The following MED25 variants were observed in gnomAD, a reference collection of about 807,000 sequenced individuals.
The protein encoded by MED25 is mediator complex subunit 25.
Under a neutral mutation model 89.4 loss-of-function variants are expected in MED25, and 62 were observed. That is an observed-to-expected ratio of 0.69 (90% CI 0.57 to 0.86). The LOEUF is 0.86. Among genes scored for constraint, MED25 ranks in the 40% least tolerant of loss-of-function variants. The pLI is 0.00. For missense variants in MED25, 905 were observed against 1,005.2 expected, an observed-to-expected ratio of 0.90 and a Z score of 1.35; for synonymous variants, 449 against 427.9, an observed-to-expected ratio of 1.05 and a Z score of -0.61.
Position 49,836,554 on chromosome 19 carries a change from C to A in MED25, c.2146+148C>A. The A allele has an allele frequency of 9.6e-7, 1 of 1,038,854 alleles. No homozygotes were observed. The highest frequency in any genetic ancestry group is 1.5e-6 in the Non-Finnish European group (1 of 681,298). The allele number at this position is 1,038,854 out of a possible 1,614,324, so 64.4% of individuals were successfully genotyped here. ...CATGGCCTTTGCGGAGCTCTGAGGG[C>A]TCCGGGAAAGTACAGCCCATGGGTC... On this transcript the variant is annotated intron_variant, in intron 17 of 17. Transcript: ENST00000312865. The surrounding 1 kb of genome is among the most constrained non-coding windows in gnomAD (Gnocchi z 5.1).
intron 3 of MED25, among the ~76,000 whole-genome samples, chr19:49,822,895 C>T (rs959492393): frequency 1.2e-4 from 18 of 152,070 alleles, no homozygotes; most frequent in Admixed American, 1.2e-3. Flanking sequence ...GATCCACCCG[C>T]CTCGGCCTCC....
chr19:49,818,988 CG>C (rs1568618149), intron 2 of MED25, 183 bp from the exon 3 acceptor site: 2 of 716,436 alleles, frequency 2.8e-6, no homozygotes, highest in Non-Finnish European at 2.3e-6. Flanking sequence ...GAGGAGGGGC[CG>C]GGGGCCTGGA....
Position 49,831,808 on chromosome 19 carries a change from G to A in MED25, c.1231-128G>A. 1.2e-6 allele frequency: 1 copy of A among 866,292 alleles called. No individual in the cohort carries two copies. Among genetic ancestry groups the A allele is most frequent in the Non-Finnish European group, 1.9e-6 (1 of 518,678 alleles). The allele number at this position is 866,292 out of a possible 1,614,324, so 53.7% of individuals were successfully genotyped here. On this transcript the variant is annotated intron_variant, in intron 10 of 17. Transcript: ENST00000312865. The surrounding 1 kb of genome is among the most constrained non-coding windows in gnomAD (Gnocchi z 5.0). ...GAAGGCTTGCTGGTCTGGAGGAGGG[G>A]CCTGGGGCTCATGGGACTTAAACTG...
Position 49,829,683 on chromosome 19 carries a change from G to A in MED25, c.526-103G>A. 4.0e-6 allele frequency: 5 copies of A among 1,264,170 alleles called. No individual in the cohort carries two copies. The highest frequency in any genetic ancestry group is 5.6e-6 in the Non-Finnish European group (5 of 900,636). The allele number at this position is 1,264,170 out of a possible 1,614,324, so 78.3% of individuals were successfully genotyped here. The stretch of plus-strand genomic sequence containing the variant: ...AGCCCAATGGGAATTGTGGTTGTAG[G>A]GCTGGTGCCGTCCAGCCACACAGCA... On this transcript the variant is annotated intron_variant, in intron 5 of 17. Transcript: ENST00000312865. The surrounding 1 kb of genome is among the most constrained non-coding windows in gnomAD (Gnocchi z 4.6).
rs1326060522 is a variant in MED25 at position 49,829,623 on chromosome 19, C to A, written c.526-163C>A. On this transcript the variant is annotated intron_variant, in intron 5 of 17. Transcript: ENST00000312865. The surrounding 1 kb of genome is among the most constrained non-coding windows in gnomAD (Gnocchi z 4.6). ...AACTAGAACCCAGAGTCTCCCGGGG[C>A]AGGTGATACCTGGTTTCAGGGTCTC... Among the ~76,000 whole-genome samples, 1 of 152,154 alleles carries A rather than the reference C, an allele frequency of 6.6e-6. No homozygotes were observed. Among genetic ancestry groups the A allele is most frequent in the Non-Finnish European group, 1.5e-5 (1 of 68,018 alleles).
intron 12 of MED25, 45 bp from the exon 13 acceptor site, chr19:49,832,263 A>T: frequency 6.6e-7 from 1 of 1,522,448 alleles, no homozygotes; most frequent in Non-Finnish European, 9.0e-7. Flanking sequence ...TCCCCGCCTC[A>T]CTTGCCCACA....
Position 49,829,706 on chromosome 19 carries a change from G to A in MED25, c.526-80G>A. The A allele has an allele frequency of 2.1e-6, 3 of 1,428,530 alleles. No homozygotes were observed. The allele number at this position is 1,428,530 out of a possible 1,614,324, so 88.5% of individuals were successfully genotyped here. On this transcript the variant is annotated intron_variant, in intron 5 of 17. Coordinates refer to ENST00000312865, the MANE Select transcript of MED25 (RefSeq NM_030973.4). This position sits in a 1 kb window ranked among gnomAD's most constrained non-coding sequence, Gnocchi z 4.6. Reference sequence around the variant, plus strand: ...AGGGCTGGTGCCGTCCAGCCACACAGCAGTTGTGGTAGGTTGGGGGCCGGC... The same window carrying A: ...AGGGCTGGTGCCGTCCAGCCACACAACAGTTGTGGTAGGTTGGGGGCCGGC...
At position 49,836,778 on chromosome 19, in the gene MED25, A is replaced by C; in HGVS notation, c.2147-69A>C. On this transcript the variant is annotated intron_variant, in intron 17 of 17. Transcript: ENST00000312865. This position sits in a 1 kb window ranked among gnomAD's most constrained non-coding sequence, Gnocchi z 5.1. ...CCCCCAAGGGCTGCCTAGAAAACTTAGTGCCTCTGGGCCCTCCTGGGCCCA... is the reference window on the plus strand; with the variant it reads ...CCCCCAAGGGCTGCCTAGAAAACTTCGTGCCTCTGGGCCCTCCTGGGCCCA... The C allele has an allele frequency of 8.3e-7, 1 of 1,210,478 alleles. No homozygotes were observed. Among genetic ancestry groups the C allele is most frequent in the Non-Finnish European group, 1.2e-6 (1 of 827,100 alleles). The allele number at this position is 1,210,478 out of a possible 1,614,324, so 75.0% of individuals were successfully genotyped here.
Position 49,829,978 on chromosome 19 carries a change from G to A in MED25, c.688+30G>A. ...GGCCTGGGCACCGTGCGCGGGGATGGGGGCTCGACGTGTTTCCCCAGCTCC... is the reference window on the plus strand; with the variant it reads ...GGCCTGGGCACCGTGCGCGGGGATGAGGGCTCGACGTGTTTCCCCAGCTCC... On this transcript the variant is annotated intron_variant, in intron 6 of 17. Coordinates refer to ENST00000312865, the MANE Select transcript of MED25 (RefSeq NM_030973.4). The surrounding 1 kb of genome is among the most constrained non-coding windows in gnomAD (Gnocchi z 4.6). 1 of 1,601,080 alleles carries A rather than the reference G, an allele frequency of 6.2e-7. No individual in the cohort carries two copies. Among genetic ancestry groups the A allele is most frequent in the Non-Finnish European group, 8.5e-7 (1 of 1,171,426 alleles).
chr19:49,822,806 C>A (rs1280657993), intron 3 of MED25, among the ~76,000 whole-genome samples: 2 of 151,936 alleles, frequency 1.3e-5, no homozygotes, highest in Non-Finnish European at 2.9e-5. Context: ...CGCCACCACA[C>A]CCAGCTAATT....
chr19:49,823,555 A>G (rs1206103876), intron 3 of MED25, among the ~76,000 whole-genome samples: 2 of 152,072 alleles, frequency 1.3e-5, no homozygotes, highest in Non-Finnish European at 2.9e-5. Flanking sequence ...AGATCACAGG[A>G]GCTAAGTTGC....
In MED25 at chr19:49,830,427, A is replaced by G. The variant is rs2074046643; in HGVS notation, c.820-84A>G. 2 of 1,407,248 alleles carry G rather than the reference A, an allele frequency of 1.4e-6. No homozygotes were observed. Among genetic ancestry groups the G allele is most frequent in the African/African-American group, 1.4e-5 (1 of 70,996 alleles). 87.2% of individuals were successfully genotyped at this position (1,407,248 alleles called of 1,614,324 possible). A position where few individuals can be genotyped will look rare whatever the true frequency, so the allele number is the denominator to read the frequency against. ...ATCCCAGCTGGTGCCTCATGGGGCC[A>G]TGGGTGGTGTGACCTCGTGGGATAC... On this transcript the variant is annotated intron_variant, in intron 7 of 17. Transcript: ENST00000312865. The surrounding 1 kb of genome is among the most constrained non-coding windows in gnomAD (Gnocchi z 4.6).
At chr19:49,820,941 G>A (rs952536445) in intron 3 of MED25, among the ~76,000 whole-genome samples, 4 of 152,198 alleles carry the variant, frequency 2.6e-5, no homozygotes, top group Non-Finnish European at 5.9e-5. Context: ...ACTTGTATTA[G>A]TATTTCATTG....
At chr19:49,823,098 A>G (rs555904893) in intron 3 of MED25, among the ~76,000 whole-genome samples, 1 of 152,258 alleles carries the variant, frequency 6.6e-6, no homozygotes, top group Admixed American at 6.5e-5. Context: ...GCAGGTGGGC[A>G]CCACCATGCA....
Position 49,830,556 on chromosome 19 carries a change from G to A in MED25, c.865G>A (p.Val289Met), listed in dbSNP as rs752448007. 3 of 1,614,078 alleles carry A rather than the reference G, an allele frequency of 1.9e-6. No homozygotes were observed. Among genetic ancestry groups the A allele is most frequent in the Non-Finnish European group, 2.5e-6 (3 of 1,180,026 alleles). ...SAAQVAAQNA[V>M]EAAKNQKAGL... Reference sequence around the variant, plus strand: ...AGCTCAGGTGGCCGCGCAGAATGCAGTGGAGGCTGCCAAGAACCAGAAGGC... The same window carrying A: ...AGCTCAGGTGGCCGCGCAGAATGCAATGGAGGCTGCCAAGAACCAGAAGGC... Residue 289 changes from valine (V) to methionine (M), a missense_variant, in exon 8 of 18, where the codon GTG (valine) becomes ATG (methionine). By Grantham distance (21) the Val-to-Met change is conservative (BLOSUM62 1). Transcript: ENST00000312865. The surrounding 1 kb of genome is among the most constrained non-coding windows in gnomAD (Gnocchi z 4.6).
rs578019278 is a variant in MED25, at chr19:49,829,664, A to G, written c.526-122A>G. 3.9e-5 allele frequency: 41 copies of G among 1,062,786 alleles called. No individual in the cohort carries two copies. Among genetic ancestry groups the G allele is most frequent in the Admixed American group, 1.1e-4 (5 of 43,512 alleles). The allele number at this position is 1,062,786 out of a possible 1,614,324, so 65.8% of individuals were successfully genotyped here. On this transcript the variant is annotated intron_variant, in intron 5 of 17. Transcript: ENST00000312865. This position sits in a 1 kb window ranked among gnomAD's most constrained non-coding sequence, Gnocchi z 4.6. ...TCAGGGTCTCCTGCCTCAAAGCCCA[A>G]TGGGAATTGTGGTTGTAGGGCTGGT...
chr19:49,835,514 G>A lies in MED25; in HGVS notation c.1675-20G>A. ...TGCCACCACCCTCAGTTACTGACCT[G>A]CCCCTCTCTCCCCGTGCAGATGGGG... On this transcript the variant is annotated intron_variant, in intron 14 of 17. Coordinates refer to ENST00000312865, the MANE Select transcript of MED25 (RefSeq NM_030973.4). The surrounding 1 kb of genome is among the most constrained non-coding windows in gnomAD (Gnocchi z 6.2). 6.5e-7 allele frequency: 1 copy of A among 1,533,380 alleles called. No individual in the cohort carries two copies. The highest frequency in any genetic ancestry group is 8.8e-7 in the Non-Finnish European group (1 of 1,138,474). The allele number at this position is 1,533,380 out of a possible 1,614,324, so 95.0% of individuals were successfully genotyped here. A position where few individuals can be genotyped will look rare whatever the true frequency, so the allele number is the denominator to read the frequency against.
intron 3 of MED25, among the ~76,000 whole-genome samples, chr19:49,826,410 C>T (rs1183217931): frequency 6.6e-6 from 1 of 152,154 alleles, no homozygotes. Context: ...GGAGCAGCGC[C>T]CGAGTGCCCT....
At chr19:49,824,502 CTG>C (rs2123870156) in intron 3 of MED25, among the ~76,000 whole-genome samples, 1 of 151,236 alleles carries the variant, frequency 6.6e-6, no homozygotes, top group African/African-American at 2.4e-5. Flanking sequence ...GGAGGATCAA[CTG>C]AGACTGGGAG....
Sources: allele counts gnomAD v4.1 joint callset (sites outside exome capture counted in the v4.1 genomes callset), GRCh38; gene constraint gnomAD v4.1.1; non-coding constraint Gnocchi (gnomAD v3.1); transcripts MANE v1.5; gene names NCBI Gene and HGNC (gene_info 2026-07-23, HGNC 2026-07-21).